The following CAPS2 variants were observed in gnomAD, a reference collection of about 807,000 sequenced individuals.
The protein encoded by CAPS2 is calcyphosin-2.
A neutral mutation model predicts 86.5 loss-of-function variants in CAPS2; 98 were observed. That is an observed-to-expected ratio of 1.13 (90% CI 0.96 to 1.34). The LOEUF (loss-of-function observed/expected upper bound fraction) is 1.34, where lower values mean the gene tolerates loss of function less well. Ranked by LOEUF, CAPS2 falls within the 40% of genes most tolerant of loss-of-function variation. The pLI is 0.00. For synonymous variants in CAPS2, 210 were observed against 225.1 expected, an observed-to-expected ratio of 0.93 and a Z score of 0.60; for missense variants, 729 against 686.8, an observed-to-expected ratio of 1.06 and a Z score of -0.69.
chr12:75,285,299 T>G (rs2034674976), intron 14 of CAPS2, among the ~76,000 whole-genome samples: 1 of 152,052 alleles, frequency 6.6e-6, no homozygotes, highest in Non-Finnish European at 1.5e-5. Flanking sequence ...CATTTAGGAA[T>G]GGCAATAGCT....
chr12:75,291,855 A>G, intron 12 of CAPS2, 35 bp from the exon 13 acceptor site: 1 of 1,067,522 alleles, frequency 9.4e-7, no homozygotes, highest in Non-Finnish European at 1.4e-6. Context: ...TGAAATATAT[A>G]TATATTCTAT....
At chr12:75,317,325 T>C (rs1359561477) in intron 5 of CAPS2, among the ~76,000 whole-genome samples, 2 of 152,172 alleles carry the variant, frequency 1.3e-5, no homozygotes, top group Non-Finnish European at 2.9e-5. Context: ...GAAGATACTT[T>C]ATCATTTTAT....
rs574694468 is a variant in CAPS2, at chr12:75,279,059, G to T, written c.1619C>A (p.Ser540Ter). ...GGATGATTTGATTTCTTCCTCTGTT[G>T]AATGGCCTATAAAATAGTACTGAGT... The change falls in exon 17 of 17, where the codon TCA (serine) becomes TAA (stop). Residue 540 changes from serine (S) to a stop codon, truncating the protein, a stop_gained. Coordinates refer to ENST00000393284, the Ensembl canonical transcript of CAPS2. LOFTEE classifies it high-confidence loss of function. The T allele has an allele frequency of 6.3e-7, 1 of 1,589,100 alleles. No homozygotes were observed. The highest frequency in any genetic ancestry group is 1.2e-5 in the South Asian group (1 of 85,916).
intron 13 of CAPS2, 146 bp from the exon 14 acceptor site, chr12:75,289,921 C>T: frequency 1.6e-6 from 1 of 631,546 alleles, no homozygotes; most frequent in East Asian, 2.7e-5. Flanking sequence ...AGACAAAAGA[C>T]TTTGGAAAAT....
intron 14 of CAPS2, among the ~76,000 whole-genome samples, chr12:75,287,710 T>C (rs1463977543): frequency 1.3e-5 from 2 of 152,182 alleles, no homozygotes; most frequent in Non-Finnish European, 2.9e-5. Context: ...TTCATCTGTA[T>C]CCTTTGTAAT....
intron 1 of CAPS2, among the ~76,000 whole-genome samples, chr12:75,387,505 T>TA (rs1299508721): frequency 6.6e-6 from 1 of 152,176 alleles, no homozygotes; most frequent in African/African-American, 2.4e-5. Context: ...AGCAGTTTCT[T>TA]AAAAAACTGA....
intron 1 of CAPS2, among the ~76,000 whole-genome samples, chr12:75,366,419 AGAT>A (rs951406735): frequency 1.3e-5 from 2 of 152,164 alleles, no homozygotes; most frequent in Non-Finnish European, 2.9e-5. Context: ...CTTGAGTTGC[AGAT>A]TGACCTTTGG....
intron 10 of CAPS2, 36 bp from the exon 11 acceptor site, chr12:75,298,816 T>C (rs776095504): frequency 1.2e-6 from 2 of 1,601,108 alleles, no homozygotes; most frequent in Admixed American, 1.7e-5. Context: ...GAAAGTTATT[T>C]AGCTTCTCTC....
chr12:75,351,992 A>G (rs552168153), intron 1 of CAPS2, among the ~76,000 whole-genome samples: 1 of 152,348 alleles, frequency 6.6e-6, no homozygotes, highest in African/African-American at 2.4e-5. Flanking sequence ...GCCTTGCAAG[A>G]GCTCCTGAAG....
At chr12:75,289,585 T>C (rs1279820288) in intron 14 of CAPS2, 36 bp downstream of exon 14, 1 of 1,566,128 alleles carries the variant, frequency 6.4e-7, no homozygotes, top group Non-Finnish European at 8.6e-7. Context: ...AAGAATAACA[T>C]ATTATCTGCT....
chr12:75,340,272 T>C (rs139965164), intron 1 of CAPS2, among the ~76,000 whole-genome samples: 9 of 152,002 alleles, frequency 5.9e-5, no homozygotes, highest in Admixed American at 5.9e-4. Flanking sequence ...ATGTGTGTGC[T>C]AGTGTCTTTT....
intron 7 of CAPS2, 106 bp downstream of exon 7, chr12:75,312,742 T>C: frequency 1.5e-6 from 1 of 676,672 alleles, no homozygotes; most frequent in South Asian, 1.9e-5. Context: ...TGGGAACCTC[T>C]GAGTTAGCCA....
chr12:75,278,979 C>A lies in CAPS2; in HGVS notation c.1699G>T (p.Glu567Ter). The A allele has an allele frequency of 6.2e-7, 1 of 1,610,630 alleles. No individual in the cohort carries two copies. The highest frequency in any genetic ancestry group is 8.5e-7 in the Non-Finnish European group (1 of 1,178,584). ...AAACCTTCATAGTAATCTTCAAATT[C>A]ACCATATGACACTTCATCAGACTTG... Residue 567 changes from glutamate to a stop codon, truncating the protein, a stop_gained, in exon 17 of 17, where the codon GAA becomes TAA. Coordinates refer to ENST00000393284, the Ensembl canonical transcript of CAPS2. LOFTEE classifies it high-confidence loss of function.
In CAPS2 at chr12:75,358,733, T is replaced by C. The variant is rs948426007; in HGVS notation, c.-395+32105A>G. The stretch of plus-strand genomic sequence containing the variant: ...TAAACCATATATATAATATATTATA[T>C]ATATGGTTTAAATATATATAATATA... On this transcript the variant is annotated intron_variant, in intron 1 of 5. Coordinates refer to the CAPS2 transcript ENST00000551829. 3.6e-4 allele frequency among the ~76,000 whole-genome samples: 53 copies of C among 145,684 alleles called. 1 individual carries two copies. Among genetic ancestry groups the C allele is most frequent in the East Asian group, 1.9e-4 (1 of 5,138 alleles).
exon 15 of CAPS2, chr12:75,284,986 T>G (rs960789862): frequency 6.2e-7 from 1 of 1,607,336 alleles, no homozygotes; most frequent in Admixed American, 1.7e-5. Context: ...TTTCCTGTAT[T>G]CATTCATTTC....
rs570118676 is a variant in CAPS2 at position 75,363,826 on chromosome 12, GT to G, written c.-395+27011del. Among the ~76,000 whole-genome samples, 210 of 152,156 alleles carry G rather than the reference GT, an allele frequency of 1.4e-3. 3 individuals are homozygous for G. The highest frequency in any genetic ancestry group is 5.9e-4 in the Non-Finnish European group (40 of 67,986). On this transcript the variant is annotated intron_variant, in intron 1 of 5. Transcript: ENST00000551829. Reference sequence around the variant, plus strand: ...GTCCAAGGTGGTCAGCCTACAACTTGTTTTTTACATTTTAAGGAGACTAAGA... The same window carrying G: ...GTCCAAGGTGGTCAGCCTACAACTTGTTTTTACATTTTAAGGAGACTAAGA...
At chr12:75,305,931 GAA>G in intron 7 of CAPS2, 1 of 1,046,084 alleles carries the variant, frequency 9.6e-7, no homozygotes, top group Non-Finnish European at 1.5e-6. Context: ...CTGCGCTGGT[GAA>G]AGCGCTGGAG....
At chr12:75,359,357 CTTTTTTTT>C (rs61616225) in intron 1 of CAPS2, among the ~76,000 whole-genome samples, 66 of 28,594 alleles carry the variant, frequency 2.3e-3, no homozygotes, top group Non-Finnish European at 3.5e-3. Flanking sequence ...GCATTGTTGT[CTTTTTTTT>C]TTTTTTTTTT....
chr12:75,277,379 G>A (rs886266762), exon 17 of CAPS2: 1 of 976,466 alleles, frequency 1.0e-6, no homozygotes, highest in South Asian at 4.7e-5. Flanking sequence ...TTTTTAACAA[G>A]AACAATTTGT....
Sources: allele counts gnomAD v4.1 joint callset (sites outside exome capture counted in the v4.1 genomes callset), GRCh38; gene constraint gnomAD v4.1.1; transcripts MANE v1.5; gene names NCBI Gene and HGNC (gene_info 2026-07-23, HGNC 2026-07-21).